The following CTNNBIP1 variants were observed in gnomAD, a reference collection of about 807,000 sequenced individuals.
The protein encoded by CTNNBIP1 is catenin beta interacting protein 1.
In CTNNBIP1, 7 loss-of-function variants were observed where a neutral mutation model predicts 11.8. The ratio of observed to expected loss-of-function variants is 0.60; its 90% confidence interval spans 0.34 to 1.12. The LOEUF (loss-of-function observed/expected upper bound fraction) is 1.12, where lower values mean the gene tolerates loss of function less well. Ranked by LOEUF, CTNNBIP1 falls within the 50% of genes most tolerant of loss-of-function variation. The pLI is 0.03. For synonymous variants in CTNNBIP1, 58 were observed against 43.9 expected (o/e 1.32, Z -1.26); for missense variants, 101 against 113.4 (o/e 0.89, Z 0.50).
rs79064763 is a variant in CTNNBIP1 at position 9,858,642 on chromosome 1, C to A, written c.188-7866G>T. On this transcript the variant is annotated intron_variant, in intron 5 of 5. Coordinates refer to ENST00000377263, the MANE Select transcript of CTNNBIP1 (RefSeq NM_020248.3). ...CAATACTTCAGGTGAATGAGGTCTT[C>A]AGCACCCTCAGTGCTACCCACAGAG... Among the ~76,000 whole-genome samples, 415 of 152,352 alleles carry A rather than the reference C, an allele frequency of 2.7e-3. 17 individuals carry two copies. In the East Asian group the frequency reaches 0.068, roughly 25 times the overall value.
chr1:9,857,653 T>G (rs1016690010), intron 5 of CTNNBIP1, among the ~76,000 whole-genome samples: 2 of 151,708 alleles, frequency 1.3e-5, no homozygotes, highest in Non-Finnish European at 2.9e-5. Flanking sequence ...ATACAAACAT[T>G]AGCCAGATGT....
intron 1 of CTNNBIP1, among the ~76,000 whole-genome samples, chr1:9,901,374 T>C (rs1639518423): frequency 6.6e-6 from 1 of 152,156 alleles, no homozygotes; most frequent in Non-Finnish European, 1.5e-5. Context: ...GCTTGGTGAT[T>C]GATCAGGAAG....
chr1:9,877,567 A>C (rs1024393813), intron 3 of CTNNBIP1, among the ~76,000 whole-genome samples: 1 of 152,240 alleles, frequency 6.6e-6, no homozygotes, highest in Admixed American at 6.5e-5. Context: ...ACATTGTGAT[A>C]GATTCTAATA....
rs1217236225 is a variant in CTNNBIP1, at chr1:9,878,008, C to G, written c.-109-19G>C. The G allele has an allele frequency of 1.3e-5, 2 of 152,764 alleles. No individual in the cohort carries two copies. The allele number at this position is 152,764 out of a possible 1,614,324, so 9.5% of individuals were successfully genotyped here. ...TGCCGCCCTGCAGAAACACAGAACACAGGTTGTGGGAGGAGTCGGGAGGGC... is the reference window on the plus strand; with the variant it reads ...TGCCGCCCTGCAGAAACACAGAACAGAGGTTGTGGGAGGAGTCGGGAGGGC... On this transcript the variant is annotated intron_variant, in intron 2 of 5. Coordinates refer to ENST00000377263, the MANE Select transcript of CTNNBIP1 (RefSeq NM_020248.3).
At chr1:9,904,659 T>C (rs1232751626) in intron 1 of CTNNBIP1, among the ~76,000 whole-genome samples, 1 of 152,144 alleles carries the variant, frequency 6.6e-6, no homozygotes, top group Non-Finnish European at 1.5e-5. Flanking sequence ...AATCTTGGTA[T>C]ACTCTCAACA....
intron 5 of CTNNBIP1, among the ~76,000 whole-genome samples, chr1:9,864,817 G>A (rs558094227): frequency 1.3e-5 from 2 of 152,338 alleles, no homozygotes; most frequent in African/African-American, 4.8e-5. Context: ...ACCTATAGGT[G>A]GAGGGCCCAG....
chr1:9,901,069 C>A (rs576094918), intron 1 of CTNNBIP1, among the ~76,000 whole-genome samples: 1 of 152,176 alleles, frequency 6.6e-6, no homozygotes, highest in Non-Finnish European at 1.5e-5. Flanking sequence ...AACAGCTTCA[C>A]GTATTTAAAT....
In CTNNBIP1 at chr1:9,848,664, A is replaced by T. The variant is rs1638313643; in HGVS notation, c.*2054T>A. On this transcript the variant is annotated 3_prime_UTR_variant, in exon 6 of 6. Transcript: ENST00000377263. This position sits in a 1 kb window ranked among gnomAD's most constrained non-coding sequence, Gnocchi z 4.3. ...TGTGCACATGTGTATGAGTGTGCAC[A>T]CGGGTGTGCTCACTCACACAGCACA... 1 of 152,228 alleles carries T rather than the reference A, an allele frequency of 6.6e-6. No homozygotes were observed. Among genetic ancestry groups the T allele is most frequent in the East Asian group, 1.9e-4 (1 of 5,198 alleles). The allele number at this position is 152,228 out of a possible 1,614,324, so 9.4% of individuals were successfully genotyped here. A position where few individuals can be genotyped will look rare whatever the true frequency, so the allele number is the denominator to read the frequency against.
At chr1:9,887,455 G>C (rs189377351) in intron 1 of CTNNBIP1, among the ~76,000 whole-genome samples, 3 of 152,178 alleles carry the variant, frequency 2.0e-5, no homozygotes, top group African/African-American at 7.2e-5. Flanking sequence ...AGTGGCTCAC[G>C]CCTGTAACCC....
chr1:9,881,178 G>C (rs1639073239), intron 2 of CTNNBIP1, among the ~76,000 whole-genome samples: 2 of 151,698 alleles, frequency 1.3e-5, no homozygotes, highest in Middle Eastern at 3.4e-3. Context: ...TGAACCACAG[G>C]CATGCACCAC....
chr1:9,897,273 T>A (rs1639428257), intron 1 of CTNNBIP1, among the ~76,000 whole-genome samples: 1 of 151,332 alleles, frequency 6.6e-6, no homozygotes. Context: ...GCTAACATGG[T>A]GAAACCCCGT....
intron 1 of CTNNBIP1, among the ~76,000 whole-genome samples, chr1:9,901,412 G>C (rs1283414995): frequency 6.6e-6 from 1 of 152,122 alleles, no homozygotes; most frequent in African/African-American, 2.4e-5. Context: ...TATTATGTGA[G>C]GTGTTTGATC....
In CTNNBIP1 at chr1:9,890,514, G is replaced by A. The variant is rs1286232205; in HGVS notation, c.-143-6776C>T. Among the ~76,000 whole-genome samples, 9 of 152,184 alleles carry A rather than the reference G, an allele frequency of 5.9e-5. No individual in the cohort carries two copies. The East Asian group carries it at 1.5e-3, about 26-fold the overall frequency. On this transcript the variant is annotated intron_variant, in intron 1 of 5. Transcript: ENST00000377263. ...GAGACCTGAAGTCAGGAACCAGCAC[G>A]CCTACAAAATCCAGCCACGGATCTT...
At chr1:9,900,060 C>T in intron 1 of CTNNBIP1, among the ~76,000 whole-genome samples, 1 of 148,330 alleles carries the variant, frequency 6.7e-6, no homozygotes, top group Non-Finnish European at 1.5e-5. Flanking sequence ...GACGACAAGA[C>T]TCCGTCTCAA....
At chr1:9,868,194 G>A (rs552295444) in intron 5 of CTNNBIP1, among the ~76,000 whole-genome samples, 2 of 152,212 alleles carry the variant, frequency 1.3e-5, no homozygotes, top group African/African-American at 2.4e-5. Context: ...TCCACAGGGC[G>A]CCCCAGCAGC....
Position 9,854,269 on chromosome 1 carries a change from G to A in CTNNBIP1, c.188-3493C>T, listed in dbSNP as rs902809809. Among the ~76,000 whole-genome samples, 17 of 151,590 alleles carry A rather than the reference G, an allele frequency of 1.1e-4. 1 individual carries two copies. On this transcript the variant is annotated intron_variant, in intron 5 of 5. Coordinates refer to ENST00000377263, the MANE Select transcript of CTNNBIP1 (RefSeq NM_020248.3). ...CATGCCTGTGTTACTTGTGAAGGCT[G>A]AGCCAGGAGAATCGCTTGAACCTGG...
chr1:9,852,910 G>A (rs1373520618), intron 5 of CTNNBIP1, among the ~76,000 whole-genome samples: 2 of 152,184 alleles, frequency 1.3e-5, no homozygotes, highest in Non-Finnish European at 2.9e-5. Flanking sequence ...CTTCTCAGAG[G>A]AGCCCAGACC....
chr1:9,895,980 T>C (rs1639400933), intron 1 of CTNNBIP1, among the ~76,000 whole-genome samples: 1 of 152,152 alleles, frequency 6.6e-6, no homozygotes, highest in Admixed American at 6.6e-5. Flanking sequence ...CCACCCCATA[T>C]CCAAATTTCC....
At position 9,848,689 on chromosome 1, in the gene CTNNBIP1, A is replaced by G. The variant is rs1262241051; in HGVS notation, c.*2029T>C. On this transcript the variant is annotated 3_prime_UTR_variant, in exon 6 of 6. Coordinates refer to ENST00000377263, the MANE Select transcript of CTNNBIP1 (RefSeq NM_020248.3). The surrounding 1 kb of genome is among the most constrained non-coding windows in gnomAD (Gnocchi z 4.3). The stretch of plus-strand genomic sequence containing the variant: ...ACGGGTGTGCTCACTCACACAGCAC[A>G]TGCACACATGCGCTGCCCCTCCTGA... 3 of 152,382 alleles carry G rather than the reference A, an allele frequency of 2.0e-5. No homozygotes were observed. In the South Asian group the frequency reaches 6.2e-4, roughly 32 times the overall value. The allele number at this position is 152,382 out of a possible 1,614,324, so 9.4% of individuals were successfully genotyped here.
Sources: gnomAD v4.1 joint callset for allele counts (sites outside exome capture counted in the v4.1 genomes callset) on GRCh38, gnomAD v4.1.1 for gene constraint, Gnocchi (gnomAD v3.1) non-coding constraint, MANE v1.5 for transcripts, NCBI Gene and HGNC (gene_info 2026-07-23, HGNC 2026-07-21) for gene names.